The following IGF1R variants were observed in gnomAD, a reference collection of about 807,000 sequenced individuals.
IGF1R encodes insulin like growth factor 1 receptor, also known as insulin-like growth factor 1 receptor.
Under a neutral mutation model 144.6 loss-of-function variants are expected in IGF1R, and 44 were observed. The observed-to-expected ratio is 0.30, with a 90% CI of 0.24 to 0.39. IGF1R has a LOEUF of 0.39. Among genes scored for constraint, IGF1R ranks in the 10% least tolerant of loss-of-function variants. IGF1R has a pLI of 1.00. For synonymous variants in IGF1R, 795 were observed against 722.8 expected, an observed-to-expected ratio of 1.10 and a Z score of -1.60; for missense variants, 1,355 against 1,833.7, an observed-to-expected ratio of 0.74 and a Z score of 4.77.
At chr15:98,665,240 C>T (rs1047421990) in intron 1 of IGF1R, among the ~76,000 whole-genome samples, 8 of 152,112 alleles carry the variant, frequency 5.3e-5, no homozygotes, top group South Asian at 4.1e-4. Flanking sequence ...CGTGAGCCAC[C>T]GCGCCCGGCA....
intron 13 of IGF1R, among the ~76,000 whole-genome samples, chr15:98,928,821 C>T (rs76699418): frequency 0.025 from 3,831 of 152,128 alleles, 155 homozygotes; most frequent in African/African-American, 0.086. Flanking sequence ...AGTGCTGGTT[C>T]TGATGATCAG....
intron 2 of IGF1R, among the ~76,000 whole-genome samples, chr15:98,771,760 G>A (rs1000737349): frequency 6.6e-6 from 1 of 152,004 alleles, no homozygotes; most frequent in Non-Finnish European, 1.5e-5. Flanking sequence ...TTAAGGTTAC[G>A]GTTAAGTTTG....
intron 1 of IGF1R, among the ~76,000 whole-genome samples, chr15:98,681,594 G>C (rs149139681): frequency 7.6e-4 from 116 of 152,268 alleles, no homozygotes; most frequent in Non-Finnish European, 1.4e-3. Context: ...GGAGGCAGCA[G>C]ACCCTCCTGC....
At chr15:98,879,700 C>T (rs369468518) in intron 2 of IGF1R, among the ~76,000 whole-genome samples, 1 of 152,284 alleles carries the variant, frequency 6.6e-6, no homozygotes, top group East Asian at 1.9e-4. Context: ...ACCAGTGTAC[C>T]TGTGATTTTA....
intron 20 of IGF1R, among the ~76,000 whole-genome samples, chr15:98,949,940 C>T (rs1450174411): frequency 6.6e-6 from 1 of 152,140 alleles, no homozygotes; most frequent in Non-Finnish European, 1.5e-5. Context: ...CCAGTTCAGT[C>T]ATCAGGCGCA....
chr15:98,774,693 G>T (rs11247373), intron 2 of IGF1R, among the ~76,000 whole-genome samples: 69,131 of 127,636 alleles, frequency 0.54, 19,102 homozygotes, highest in Non-Finnish European at 0.65. Flanking sequence ...GGTGGTGGGG[G>T]GGTGGGGGGT....
chr15:98,891,051 A>C lies in IGF1R; in HGVS notation c.641-274A>C, dbSNP rs1003495805. Among the ~76,000 whole-genome samples, 2 of 152,180 alleles carry C rather than the reference A, an allele frequency of 1.3e-5. No individual in the cohort carries two copies. The highest frequency in any genetic ancestry group is 4.8e-5 in the African/African-American group (2 of 41,448). ...CATTTTACAGATGGGAAGAGAGAGG[A>C]TCAAGATCACAGAAGCTAATGGTTT... is the stretch of plus-strand genomic sequence containing the variant. On this transcript the variant is annotated intron_variant, in intron 2 of 20. Coordinates refer to ENST00000650285, the MANE Select transcript of IGF1R (RefSeq NM_000875.5). This position sits in a 1 kb window ranked among gnomAD's most constrained non-coding sequence, Gnocchi z 4.7.
intron 2 of IGF1R, among the ~76,000 whole-genome samples, chr15:98,752,310 C>T (rs1275251534): frequency 6.6e-6 from 1 of 152,128 alleles, no homozygotes; most frequent in African/African-American, 2.4e-5. Flanking sequence ...TGTGGCCATC[C>T]TGGATAATGG....
rs181277787 is a variant in IGF1R at position 98,688,711 on chromosome 15, G to C, written c.95-18851G>C. On this transcript the variant is annotated intron_variant, in intron 1 of 20. Coordinates refer to ENST00000650285, the MANE Select transcript of IGF1R (RefSeq NM_000875.5). ...CACAGATGCTTATAGCTCAAGACTA[G>C]TTGATGAGGGTCTGTGACTCAAAAG... Among the ~76,000 whole-genome samples the C allele has an allele frequency of 4.6e-5, 7 of 152,030 alleles. No individual in the cohort carries two copies. In the East Asian group the frequency reaches 1.4e-3, roughly 29 times the overall value.
Position 98,877,489 on chromosome 15 carries a change from CTTTT to C in IGF1R, c.641-13815_641-13812del, listed in dbSNP as rs5814908. ...AAGAAAGAAAAATGGCACTAGCAGC[CTTTT>C]TTTTTTTTTTTTTTTTTTTTCCCCA... On this transcript the variant is annotated intron_variant, in intron 2 of 20. Coordinates refer to ENST00000650285, the MANE Select transcript of IGF1R (RefSeq NM_000875.5). Among the ~76,000 whole-genome samples, 389 of 85,586 alleles carry C rather than the reference CTTTT, an allele frequency of 4.5e-3. No individual in the cohort carries two copies. The Middle Eastern group carries it at 0.071, about 16-fold the overall frequency. The allele number at this position is 85,586 out of a possible 152,430, so 56.1% of individuals were successfully genotyped here. A position where few individuals can be genotyped will look rare whatever the true frequency, so the allele number is the denominator to read the frequency against.
chr15:98,896,184 T>C (rs2014185349), intron 3 of IGF1R, among the ~76,000 whole-genome samples: 1 of 152,216 alleles, frequency 6.6e-6, no homozygotes, highest in South Asian at 2.1e-4. Flanking sequence ...CAAGAAATAA[T>C]TTCGGTTGTG....
chr15:98,736,515 T>C (rs889061175), intron 2 of IGF1R, among the ~76,000 whole-genome samples: 1 of 152,144 alleles, frequency 6.6e-6, no homozygotes, highest in Admixed American at 6.5e-5. Context: ...CTTCGTGAAA[T>C]TGGAGGCCAC....
chr15:98,951,604 G>T (rs2016776948), intron 20 of IGF1R, among the ~76,000 whole-genome samples: 1 of 152,256 alleles, frequency 6.6e-6, no homozygotes, highest in East Asian at 1.9e-4. Flanking sequence ...TTGCAGCCCA[G>T]CTGTCCGCCG....
chr15:98,717,842 G>T (rs905233583), intron 2 of IGF1R, among the ~76,000 whole-genome samples: 1 of 152,146 alleles, frequency 6.6e-6, no homozygotes, highest in Non-Finnish European at 1.5e-5. Flanking sequence ...AGATTACAAA[G>T]ATGTGCATTT....
chr15:98,671,546 T>C (rs1442159805), intron 1 of IGF1R, among the ~76,000 whole-genome samples: 1 of 152,246 alleles, frequency 6.6e-6, no homozygotes, highest in Admixed American at 6.5e-5. Flanking sequence ...TTGGTTCATT[T>C]ATCCTGGCCC....
intron 1 of IGF1R, among the ~76,000 whole-genome samples, chr15:98,702,090 A>G (rs2141250121): frequency 8.0e-6 from 1 of 124,236 alleles, no homozygotes; most frequent in South Asian, 2.7e-4. Context: ...GACATAATTT[A>G]CAGTTCTCGT....
intron 2 of IGF1R, among the ~76,000 whole-genome samples, chr15:98,869,097 C>T (rs1036545139): frequency 6.6e-6 from 1 of 151,996 alleles, no homozygotes; most frequent in Non-Finnish European, 1.5e-5. Context: ...TCCTTTTTTT[C>T]TCTTTTTCGA....
intron 2 of IGF1R, among the ~76,000 whole-genome samples, chr15:98,759,569 T>C (rs1457816368): frequency 1.3e-5 from 2 of 152,210 alleles, no homozygotes; most frequent in Non-Finnish European, 1.5e-5. Flanking sequence ...CCTTGCAAAA[T>C]TGCCAGCACA....
At chr15:98,710,912 C>T (rs985665057) in intron 2 of IGF1R, among the ~76,000 whole-genome samples, 14 of 152,062 alleles carry the variant, frequency 9.2e-5, no homozygotes, top group Admixed American at 6.6e-4. Flanking sequence ...TCAGATGATC[C>T]GCCCGCCTCA....
Sources: gnomAD v4.1 joint callset for allele counts (sites outside exome capture counted in the v4.1 genomes callset) on GRCh38, gnomAD v4.1.1 for gene constraint, Gnocchi (gnomAD v3.1) non-coding constraint, MANE v1.5 for transcripts, NCBI Gene and HGNC (gene_info 2026-07-23, HGNC 2026-07-21) for gene names.